The following MCOLN1 variants were observed in gnomAD, a reference collection of about 807,000 sequenced individuals.
MCOLN1 encodes mucolipin-1.
In MCOLN1, 50 loss-of-function variants were observed where a neutral mutation model predicts 70.3. The ratio of observed to expected loss-of-function variants is 0.71; its 90% CI spans 0.57 to 0.90. The LOEUF is 0.90. Among genes scored for constraint, MCOLN1 ranks in the 40% least tolerant of loss-of-function variants. MCOLN1 has a pLI of 0.00. For missense variants in MCOLN1, 598 were observed against 803.5 expected, an observed-to-expected ratio of 0.74 and a Z score of 3.09; for synonymous variants, 366 against 341.0, an observed-to-expected ratio of 1.07 and a Z score of -0.81.
rs776845391 is a variant in MCOLN1, at chr19:7,525,088, C to A, written c.159C>A (p.Cys53Ter). ...TCAAATACTTTTTCATGAGTCCCTG[C>A]GACAAGTTTCGAGCCAAGGGCCGCA... ...RRLKYFFMSP[C>*]DKFRAKGRKP... The change falls in exon 2 of 14, where the codon TGC (cysteine) becomes TGA (stop). Residue 53 changes from cysteine to a stop codon, truncating the protein, a stop_gained. Coordinates refer to ENST00000264079, the MANE Select transcript of MCOLN1 (RefSeq NM_020533.3). LOFTEE classifies it high-confidence loss of function. This position sits in a 1 kb window ranked among gnomAD's most constrained non-coding sequence, Gnocchi z 4.2. The A allele has an allele frequency of 6.2e-7, 1 of 1,614,150 alleles. No individual in the cohort carries two copies. The highest frequency in any genetic ancestry group is 8.5e-7 in the Non-Finnish European group (1 of 1,180,032).
rs1269874791 is a variant in MCOLN1, at chr19:7,528,043, G to C, written c.777+83G>C. On this transcript the variant is annotated intron_variant, in intron 6 of 13. Coordinates refer to ENST00000264079, the MANE Select transcript of MCOLN1 (RefSeq NM_020533.3). The surrounding 1 kb of genome is among the most constrained non-coding windows in gnomAD (Gnocchi z 4.2). Reference sequence around the variant, plus strand: ...GGAGTGTCTTGGGAGCACTGGCCAAGGGCAAGCGTGCGGGTGATGAGGGAG... The same window carrying C: ...GGAGTGTCTTGGGAGCACTGGCCAACGGCAAGCGTGCGGGTGATGAGGGAG... The C allele has an allele frequency of 6.5e-7, 1 of 1,529,464 alleles. No individual in the cohort carries two copies. Among genetic ancestry groups the C allele is most frequent in the Non-Finnish European group, 9.1e-7 (1 of 1,103,604 alleles). The allele number at this position is 1,529,464 out of a possible 1,614,324, so 94.7% of individuals were successfully genotyped here.
Position 7,529,091 on chromosome 19 carries a change from C to T in MCOLN1, c.1135-10C>T. On this transcript the variant is annotated splice_polypyrimidine_tract_variant and intron_variant, in intron 9 of 13. Transcript: ENST00000264079. ...TGGGCCAGATAGGTTGACGCAGCTCCCACCCGCAGAACTTGGCGAGCTACG... is the reference window on the plus strand; with the variant it reads ...TGGGCCAGATAGGTTGACGCAGCTCTCACCCGCAGAACTTGGCGAGCTACG... 1 of 1,613,838 alleles carries T rather than the reference C, an allele frequency of 6.2e-7. No homozygotes were observed. The highest frequency in any genetic ancestry group is 8.5e-7 in the Non-Finnish European group (1 of 1,179,920).
rs1210873453 is a variant in MCOLN1, at chr19:7,528,741, G to A, written c.984+38G>A. 1.4e-5 allele frequency: 23 copies of A among 1,614,042 alleles called. No individual in the cohort carries two copies. The highest frequency in any genetic ancestry group is 3.3e-4 in the Middle Eastern group (2 of 6,084). On this transcript the variant is annotated intron_variant, in intron 8 of 13. Coordinates refer to ENST00000264079, the MANE Select transcript of MCOLN1 (RefSeq NM_020533.3). The surrounding 1 kb of genome is among the most constrained non-coding windows in gnomAD (Gnocchi z 4.2). The stretch of plus-strand genomic sequence containing the variant: ...CGTCATGTGTGCTGGTGTCCTCCCC[G>A]CCTGGCCCTGGGGCGATAAAAGCCA...
At chr19:7,531,037 G>A (rs1389078401) in intron 12 of MCOLN1, among the ~76,000 whole-genome samples, 7 of 152,142 alleles carry the variant, frequency 4.6e-5, no homozygotes, top group Non-Finnish European at 2.9e-5. Context: ...ACCACGCCCG[G>A]CCTATTTTAT....
intron 10 of MCOLN1, among the ~76,000 whole-genome samples, 191 bp downstream of exon 10, chr19:7,529,393 C>G (rs1427619716): frequency 6.6e-6 from 1 of 152,226 alleles, no homozygotes; most frequent in African/African-American, 2.4e-5. Flanking sequence ...TTTGTGCCCA[C>G]CCAGCTGAGT....
rs771774446 is a variant in MCOLN1, at chr19:7,526,917, G to T, written c.562G>T (p.Val188Leu). ...CGACACATTTGACATTGATCCGATG[G>T]TGGTTACTGGTGAGTGGGCAGGACG... ...ANDTFDIDPM[V>L]VTDCIQVDPP... Residue 188 changes from valine to leucine, a missense_variant, in exon 4 of 14, where the codon GTG (valine) becomes TTG (leucine). Val to Leu is a conservative substitution (Grantham distance 32). Coordinates refer to ENST00000264079, the MANE Select transcript of MCOLN1 (RefSeq NM_020533.3). This position sits in a 1 kb window ranked among gnomAD's most constrained non-coding sequence, Gnocchi z 4.6. 122 of 1,614,016 alleles carry T rather than the reference G, an allele frequency of 7.6e-5. No homozygotes were observed. The highest frequency in any genetic ancestry group is 9.8e-5 in the Non-Finnish European group (116 of 1,180,042).
At chr19:7,530,578 C>A in intron 12 of MCOLN1, 77 bp downstream of exon 12, 2 of 1,311,222 alleles carry the variant, frequency 1.5e-6, no homozygotes, top group Non-Finnish European at 2.2e-6. Context: ...TTGGGGACAC[C>A]GCAGGGTGAA....
chr19:7,530,537 T>C, intron 12 of MCOLN1, 36 bp downstream of exon 12: 3 of 1,577,732 alleles, frequency 1.9e-6, no homozygotes, highest in South Asian at 2.2e-5. Flanking sequence ...GCTCGGGCTC[T>C]GGGTGCCCTG....
rs758222055 is a variant in MCOLN1 at position 7,526,564 on chromosome 19, G to A, written c.363G>A (p.Thr121=). The change falls in exon 3 of 14, where the codon ACG becomes ACA. Residue 121 remains threonine (T), a synonymous_variant. Transcript: ENST00000264079. The surrounding 1 kb of genome is among the most constrained non-coding windows in gnomAD (Gnocchi z 4.6). ...CGGATGACACCTTCGCAGCCTACACGCGGGAGCAGCTGTACCAGGCCATCT... is the reference window on the plus strand; with the variant it reads ...CGGATGACACCTTCGCAGCCTACACACGGGAGCAGCTGTACCAGGCCATCT... ...DGADDTFAAY[T]REQLYQAIFH... The A allele has an allele frequency of 4.2e-5, 68 of 1,613,924 alleles. No homozygotes were observed. The highest frequency in any genetic ancestry group is 5.4e-5 in the Non-Finnish European group (64 of 1,180,022).
rs749367509 is a variant in MCOLN1, at chr19:7,526,618, C to A, written c.405+12C>A. On this transcript the variant is annotated intron_variant, in intron 3 of 13. Transcript: ENST00000264079. This position sits in a 1 kb window ranked among gnomAD's most constrained non-coding sequence, Gnocchi z 4.6. ...ATGCTGTGGACCAGGTGCTGGTGGG[C>A]GGGCAGGTGCTGGTGGGCAGGCAGG... is the stretch of plus-strand genomic sequence containing the variant. 7 of 1,485,358 alleles carry A rather than the reference C, an allele frequency of 4.7e-6. No homozygotes were observed. The highest frequency in any genetic ancestry group is 6.4e-6 in the Non-Finnish European group (7 of 1,102,134). 92.0% of individuals were successfully genotyped at this position (1,485,358 alleles called of 1,614,324 possible). A position where few individuals can be genotyped will look rare whatever the true frequency, so the allele number is the denominator to read the frequency against.
rs889563886 is a variant in MCOLN1, at chr19:7,528,426, C to T, written c.877+169C>T. Among the ~76,000 whole-genome samples, 1 of 152,190 alleles carries T rather than the reference C, an allele frequency of 6.6e-6. No individual in the cohort carries two copies. Among genetic ancestry groups the T allele is most frequent in the Non-Finnish European group, 1.5e-5 (1 of 68,018 alleles). ...GTCCTGTGCTGAGATCCCCCAAGCC[C>T]CAGACCAGCACTGACCGGGGTTCTT... On this transcript the variant is annotated intron_variant, in intron 7 of 13. Transcript: ENST00000264079. This position sits in a 1 kb window ranked among gnomAD's most constrained non-coding sequence, Gnocchi z 4.2.
intron 11 of MCOLN1, 99 bp downstream of exon 11, chr19:7,529,811 C>A: frequency 1.4e-6 from 2 of 1,434,476 alleles, no homozygotes; most frequent in Non-Finnish European, 2.0e-6. Context: ...GGAGTCTGTC[C>A]ACTGTCCCCT....
chr19:7,528,154 A>G lies in MCOLN1; in HGVS notation c.778-4A>G. 2 of 1,613,976 alleles carry G rather than the reference A, an allele frequency of 1.2e-6. No individual in the cohort carries two copies. The highest frequency in any genetic ancestry group is 1.7e-6 in the Non-Finnish European group (2 of 1,179,964). On this transcript the variant is annotated splice_polypyrimidine_tract_variant and splice_region_variant and intron_variant, in intron 6 of 13. Transcript: ENST00000264079. The surrounding 1 kb of genome is among the most constrained non-coding windows in gnomAD (Gnocchi z 4.2). ...TTTACTCTGCCCCCAACTGGCCCCC[A>G]CAGATCACGTTTGACAACAAAGCAC...
chr19:7,529,506 G>GGGGGGCCC, intron 10 of MCOLN1, 84 bp from the exon 11 acceptor site: 1 of 280,230 alleles, frequency 3.6e-6, no homozygotes, highest in Non-Finnish European at 6.4e-6. Context: ...GCAAGGCCCC[G>GGGGGGCCC]CCCCTCCCAC....
At chr19:7,533,687 A>C (rs971106621) in intron 13 of MCOLN1, 34 bp downstream of exon 13, 20 of 1,613,772 alleles carry the variant, frequency 1.2e-5, no homozygotes, top group African/African-American at 1.3e-5. Context: ...TTCAGATTGG[A>C]GGTTAGGGAA....
rs529767526 is a variant in MCOLN1 at position 7,529,609 on chromosome 19, G to A, written c.1256G>A (p.Arg419Gln). The A allele has an allele frequency of 3.7e-6, 6 of 1,607,258 alleles. No homozygotes were observed. The highest frequency in any genetic ancestry group is 2.3e-5 in the East Asian group (1 of 44,428). The stretch of plus-strand genomic sequence containing the variant: ...ACCCAGATCCTCATCGCCACACTGC[G>A]GGTGGCCCTGCCCAGCGTCATGCGC... ...HNYNILIATLRVALPSVMRFC... is the reference protein window; with the variant it reads ...HNYNILIATLQVALPSVMRFC... Residue 419 changes from arginine (R) to glutamine (Q), a missense_variant, in exon 11 of 14, where the codon CGG becomes CAG. By Grantham distance (43) the Arg-to-Gln change is conservative (BLOSUM62 1). Transcript: ENST00000264079.
At position 7,528,240 on chromosome 19, in the gene MCOLN1, C is replaced by T. The variant is rs1428466963; in HGVS notation, c.860C>T (p.Pro287Leu). Residue 287 changes from proline to leucine, a missense_variant, in exon 7 of 14, where the codon CCC (proline) becomes CTC (leucine). Coordinates refer to ENST00000264079, the MANE Select transcript of MCOLN1 (RefSeq NM_020533.3). The surrounding 1 kb of genome is among the most constrained non-coding windows in gnomAD (Gnocchi z 4.2). ...GCCCACATCCAGGAGTGTAAGCACCCCAGTGTCTTCCAGCACGGTGAGCCC... is the reference window on the plus strand; with the variant it reads ...GCCCACATCCAGGAGTGTAAGCACCTCAGTGTCTTCCAGCACGGTGAGCCC... The part of the protein sequence containing the change: ...TQAHIQECKH[P>L]SVFQHGDNSF... The T allele has an allele frequency of 6.2e-7, 1 of 1,614,054 alleles. No homozygotes were observed. Among genetic ancestry groups the T allele is most frequent in the Admixed American group, 1.7e-5 (1 of 60,022 alleles).
rs1035020383 is a variant in MCOLN1 at position 7,526,166 on chromosome 19, A to G, written c.238-273A>G. The G allele has an allele frequency of 5.5e-6, 3 of 548,074 alleles. No homozygotes were observed. The highest frequency in any genetic ancestry group is 1.9e-5 in the African/African-American group (1 of 52,744). 34.0% of individuals were successfully genotyped at this position (548,074 alleles called of 1,614,324 possible). Reference sequence around the variant, plus strand: ...ACATTTAATGAACGTTAGTCCCTGCAGTGAGATAGATGAGTCCCCACCCTG... The same window carrying G: ...ACATTTAATGAACGTTAGTCCCTGCGGTGAGATAGATGAGTCCCCACCCTG... On this transcript the variant is annotated intron_variant, in intron 2 of 13. Transcript: ENST00000264079. The surrounding 1 kb of genome is among the most constrained non-coding windows in gnomAD (Gnocchi z 4.6).
At chr19:7,533,458 G>A (rs2022696093) in intron 12 of MCOLN1, 65 bp from the exon 13 acceptor site, 4 of 1,596,440 alleles carry the variant, frequency 2.5e-6, no homozygotes, top group Non-Finnish European at 2.6e-6. Flanking sequence ...AGGGGAGGGC[G>A]GACTTCAAGG....
Sources: gnomAD v4.1 joint callset for allele counts (sites outside exome capture counted in the v4.1 genomes callset) on GRCh38, gnomAD v4.1.1 for gene constraint, Gnocchi (gnomAD v3.1) non-coding constraint, MANE v1.5 for transcripts, NCBI Gene and HGNC (gene_info 2026-07-23, HGNC 2026-07-21) for gene names.